Variants in DIAPH3 observed in about 807,000 individuals in gnomAD.
DIAPH3 encodes protein diaphanous homolog 3.
Under a neutral mutation model 144.3 loss-of-function variants are expected in DIAPH3, and 117 were observed. That is an observed-to-expected ratio of 0.81 (90% CI 0.70 to 0.95). The LOEUF (loss-of-function observed/expected upper bound fraction) is 0.95. DIAPH3 is among the 40% of genes least tolerant of loss of function. The pLI is 0.00. For missense variants in DIAPH3, 1,421 were observed against 1,412.7 expected, an observed-to-expected ratio of 1.01 and a Z score of -0.09; for synonymous variants, 519 against 488.9, an observed-to-expected ratio of 1.06 and a Z score of -0.81.
chr13:59,832,082 C>T (rs753666914), intron 24 of DIAPH3, among the ~76,000 whole-genome samples: 1 of 151,666 alleles, frequency 6.6e-6, no homozygotes, highest in African/African-American at 2.4e-5. Flanking sequence ...CAAAACATTA[C>T]AAAATTTAAA....
chr13:60,120,179 T>C lies in DIAPH3; in HGVS notation c.214-7993A>G, dbSNP rs74522312. Reference sequence around the variant, plus strand: ...ACTTGTGATGCTGATATGAAAATTATAGAACATGTTAACTGCTAAGCAGTA... The same window carrying C: ...ACTTGTGATGCTGATATGAAAATTACAGAACATGTTAACTGCTAAGCAGTA... On this transcript the variant is annotated intron_variant, in intron 2 of 27. Coordinates refer to ENST00000400324, the MANE Select transcript of DIAPH3 (RefSeq NM_001042517.2). 1.2e-4 allele frequency among the ~76,000 whole-genome samples: 18 copies of C among 152,358 alleles called. No individual in the cohort carries two copies. The East Asian group carries it at 3.3e-3, about 28-fold the overall frequency.
At chr13:59,769,100 G>T (rs2037994348) in intron 27 of DIAPH3, among the ~76,000 whole-genome samples, 2 of 152,122 alleles carry the variant, frequency 1.3e-5, no homozygotes, top group Non-Finnish European at 2.9e-5. Flanking sequence ...ACAAACTGCA[G>T]GCAGATGCAG....
chr13:60,125,338 C>T (rs144641099), intron 2 of DIAPH3, among the ~76,000 whole-genome samples: 262 of 151,280 alleles, frequency 1.7e-3, no homozygotes, highest in Admixed American at 4.2e-3. Context: ...CTCAGTCTCC[C>T]AAGTAGCTAG....
chr13:59,895,050 C>T (rs1266791392), intron 20 of DIAPH3, among the ~76,000 whole-genome samples: 5 of 151,940 alleles, frequency 3.3e-5, no homozygotes, highest in Non-Finnish European at 7.4e-5. Context: ...AACTGAGAAC[C>T]CTTAAACAAA....
At chr13:60,104,576 A>G (rs1448443722) in intron 3 of DIAPH3, among the ~76,000 whole-genome samples, 1 of 151,584 alleles carries the variant, frequency 6.6e-6, no homozygotes, top group African/African-American at 2.4e-5. Context: ...GCACACACAC[A>G]CACACACACA....
At chr13:60,027,492 A>C (rs1047672769) in intron 5 of DIAPH3, among the ~76,000 whole-genome samples, 1 of 152,198 alleles carries the variant, frequency 6.6e-6, no homozygotes, top group Non-Finnish European at 1.5e-5. Flanking sequence ...AACATACTGA[A>C]AGGCATAAAA....
At position 60,048,544 on chromosome 13, in the gene DIAPH3, T is replaced by C. The variant is rs185999774; in HGVS notation, c.496-5724A>G. The stretch of plus-strand genomic sequence containing the variant: ...AGTAGTCTCCTAGAGTAGTGAGAAT[T>C]TGATACTCCTGGAACTCTTCTACAC... On this transcript the variant is annotated intron_variant, in intron 4 of 27. Coordinates refer to ENST00000400324, the MANE Select transcript of DIAPH3 (RefSeq NM_001042517.2). 3.0e-3 allele frequency among the ~76,000 whole-genome samples: 454 copies of C among 152,250 alleles called. 1 individual carries two copies. Among genetic ancestry groups the C allele is most frequent in the Non-Finnish European group, 5.0e-3 (343 of 68,016 alleles).
chr13:59,798,319 G>A lies in DIAPH3; in HGVS notation c.3163+12469C>T, dbSNP rs71432776. On this transcript the variant is annotated intron_variant, in intron 25 of 27. Coordinates refer to ENST00000400324, the MANE Select transcript of DIAPH3 (RefSeq NM_001042517.2). ...AAATCATATCACTGCTCTGTTTAAT[G>A]CCCTTGAAATGTGCCTACAAAATAA... Among the ~76,000 whole-genome samples the A allele has an allele frequency of 4.9e-3, 746 of 152,220 alleles. 3 individuals carry two copies. The highest frequency in any genetic ancestry group is 4.8e-3 in the Non-Finnish European group (326 of 68,008).
intron 24 of DIAPH3, among the ~76,000 whole-genome samples, chr13:59,813,298 C>T (rs981105134): frequency 2.6e-5 from 4 of 151,816 alleles, no homozygotes; most frequent in East Asian, 1.9e-4. Context: ...CATATATAAA[C>T]GCTAGTTATT....
intron 21 of DIAPH3, among the ~76,000 whole-genome samples, chr13:59,871,468 C>G (rs2044275673): frequency 2.6e-5 from 4 of 152,100 alleles, no homozygotes; most frequent in Admixed American, 1.3e-4. Context: ...GGAAGTTCCC[C>G]TCTACCCCTA....
Position 59,971,015 on chromosome 13 carries a change from A to AGTGGAGGAGGTGGTGGGGGAGGAG in DIAPH3, c.1772_1795dup (p.Pro591_Pro598dup). On this transcript the variant is annotated inframe_insertion, in exon 16 of 28. Transcript: ENST00000400324. ...ACTGAATGGCATCCGCATTCCTGGA[A>AGTGGAGGAGGTGGTGGGGGAGGAG]GTGGAGGAGGTGGTGGGGGAGGAGG... The AGTGGAGGAGGTGGTGGGGGAGGAG allele has an allele frequency of 6.6e-7, 1 of 1,507,874 alleles. No individual in the cohort carries two copies. The highest frequency in any genetic ancestry group is 9.0e-7 in the Non-Finnish European group (1 of 1,111,994). The allele number at this position is 1,507,874 out of a possible 1,614,324, so 93.4% of individuals were successfully genotyped here.
intron 24 of DIAPH3, 57 bp downstream of exon 24, chr13:59,833,050 A>C: frequency 7.8e-7 from 1 of 1,282,496 alleles, no homozygotes; most frequent in Non-Finnish European, 1.1e-6. Context: ...GTAATGAGAT[A>C]ATAGATAAGA....
At chr13:59,731,668 A>G (rs1229175827) in intron 27 of DIAPH3, among the ~76,000 whole-genome samples, 1 of 152,198 alleles carries the variant, frequency 6.6e-6, no homozygotes, top group Non-Finnish European at 1.5e-5. Flanking sequence ...GAGTAAATCA[A>G]CGTTGAGACA....
intron 25 of DIAPH3, among the ~76,000 whole-genome samples, chr13:59,783,961 T>G: frequency 6.6e-6 from 1 of 152,234 alleles, no homozygotes; most frequent in East Asian, 1.9e-4. Flanking sequence ...AGGAAATGAC[T>G]ATTATCAACC....
intron 21 of DIAPH3, among the ~76,000 whole-genome samples, chr13:59,870,968 C>G (rs2044232586): frequency 6.6e-6 from 1 of 152,188 alleles, no homozygotes; most frequent in South Asian, 2.1e-4. Context: ...CCACGCCTGG[C>G]CTTGTAGTTT....
At chr13:59,959,396 G>C (rs1475513301) in intron 17 of DIAPH3, among the ~76,000 whole-genome samples, 1 of 152,124 alleles carries the variant, frequency 6.6e-6, no homozygotes, top group Non-Finnish European at 1.5e-5. Context: ...TGGACCCAGT[G>C]GATATTTTAC....
intron 25 of DIAPH3, among the ~76,000 whole-genome samples, chr13:59,792,188 T>G (rs1278405310): frequency 1.3e-5 from 2 of 152,190 alleles, no homozygotes; most frequent in Non-Finnish European, 2.9e-5. Flanking sequence ...CTATCTCACG[T>G]GCTTAAAGTC....
At chr13:59,831,804 A>C (rs972377450) in intron 24 of DIAPH3, among the ~76,000 whole-genome samples, 1 of 151,940 alleles carries the variant, frequency 6.6e-6, no homozygotes, top group Admixed American at 6.6e-5. Flanking sequence ...GAGCACCCCA[A>C]GCCTGCTGAA....
At chr13:60,040,545 T>C (rs2055585022) in intron 5 of DIAPH3, among the ~76,000 whole-genome samples, 1 of 147,142 alleles carries the variant, frequency 6.8e-6, no homozygotes, top group African/African-American at 2.4e-5. Context: ...AAAAACCTTC[T>C]ATTTTGTTTT....
Sources: gnomAD v4.1 joint callset for allele counts (sites outside exome capture counted in the v4.1 genomes callset) on GRCh38, gnomAD v4.1.1 for gene constraint, MANE v1.5 for transcripts, NCBI Gene and HGNC (gene_info 2026-07-23, HGNC 2026-07-21) for gene names.